The following RFX8 variants were observed in gnomAD, a reference collection of about 807,000 sequenced individuals.
The protein encoded by RFX8 is regulatory factor X8.
A neutral mutation model predicts 54.6 loss-of-function variants in RFX8; 46 were observed. That is an observed-to-expected ratio of 0.84 (90% CI 0.67 to 1.08). The LOEUF (loss-of-function observed/expected upper bound fraction) is 1.08. Among genes scored for constraint, RFX8 ranks in the 50% least tolerant of loss-of-function variants. The pLI is 0.00. For synonymous variants in RFX8, 192 were observed against 209.5 expected, an observed-to-expected ratio of 0.92 and a Z score of 0.72; for missense variants, 536 against 562.3, an observed-to-expected ratio of 0.95 and a Z score of 0.47.
intron 2 of RFX8, among the ~76,000 whole-genome samples, chr2:101,427,456 G>A (rs1687241158): frequency 6.6e-6 from 1 of 152,140 alleles, no homozygotes; most frequent in Admixed American, 6.6e-5. Flanking sequence ...GAATGGGAGG[G>A]ACCTCTAGAA....
chr2:101,419,298 G>T (rs958790), intron 4 of RFX8, among the ~76,000 whole-genome samples: 100,256 of 152,082 alleles, frequency 0.66, 35,905 homozygotes, highest in Middle Eastern at 0.81. Context: ...AGCCCAGAGA[G>T]AATAAATGTT....
chr2:101,438,142 TA>T, intron 2 of RFX8, among the ~76,000 whole-genome samples: 1 of 152,354 alleles, frequency 6.6e-6, no homozygotes, highest in African/African-American at 2.4e-5. Flanking sequence ...CACATTGGGA[TA>T]AATGGGGTAT....
chr2:101,424,579 G>A (rs1362817037), intron 2 of RFX8, among the ~76,000 whole-genome samples: 1 of 152,146 alleles, frequency 6.6e-6, no homozygotes, highest in East Asian at 1.9e-4. Context: ...TATGTTTATT[G>A]CGGCACTATT....
At chr2:101,460,914 G>T (rs1391703373) in intron 2 of RFX8, among the ~76,000 whole-genome samples, 3 of 151,506 alleles carry the variant, frequency 2.0e-5, no homozygotes, top group African/African-American at 7.3e-5. Flanking sequence ...TTAACACCTC[G>T]ATCATGCCTC....
At chr2:101,461,369 T>C (rs1162003071) in intron 2 of RFX8, among the ~76,000 whole-genome samples, 1 of 151,984 alleles carries the variant, frequency 6.6e-6, no homozygotes, top group Non-Finnish European at 1.5e-5. Context: ...GGCTAGAAAT[T>C]CCTATTGTCA....
At chr2:101,399,717 T>C (rs546573678) in intron 11 of RFX8, among the ~76,000 whole-genome samples, 139 of 152,328 alleles carry the variant, frequency 9.1e-4, no homozygotes, top group Middle Eastern at 6.8e-3. Context: ...ATAATGTTCC[T>C]GTAGAATTAG....
intron 1 of RFX8, among the ~76,000 whole-genome samples, chr2:101,470,177 T>G (rs554509444): frequency 6.6e-6 from 1 of 152,274 alleles, no homozygotes; most frequent in South Asian, 2.1e-4. Flanking sequence ...AAGTTTCCAT[T>G]CTGACTCTGA....
At chr2:101,451,314 G>A (rs1688666729) in intron 2 of RFX8, among the ~76,000 whole-genome samples, 1 of 152,096 alleles carries the variant, frequency 6.6e-6, no homozygotes, top group Non-Finnish European at 1.5e-5. Flanking sequence ...TTTAAAACAA[G>A]CAACAAATAG....
chr2:101,461,425 T>C (rs915477211), intron 2 of RFX8, among the ~76,000 whole-genome samples: 2 of 152,148 alleles, frequency 1.3e-5, no homozygotes, highest in African/African-American at 4.8e-5. Flanking sequence ...AAGAAAATCA[T>C]TGAAAAGCCT....
rs1003898083 is a variant in RFX8, at chr2:101,410,193, A to G, written c.813+426T>C. 3.3e-5 allele frequency among the ~76,000 whole-genome samples: 5 copies of G among 151,866 alleles called. No individual in the cohort carries two copies. The East Asian group carries it at 9.7e-4, about 29-fold the overall frequency. On this transcript the variant is annotated intron_variant, in intron 9 of 11. Coordinates refer to ENST00000428343, the MANE Select transcript of RFX8 (RefSeq NM_001145664.2). ...CATGCTCACACACACTGTCACACAC[A>G]TGCTCACCTGTACACACACTCATCC...
Position 101,431,946 on chromosome 2 carries a change from C to T in RFX8, c.73-9474G>A, listed in dbSNP as rs901205194. Reference sequence around the variant, plus strand: ...GGCCTGTGTATAGCAGGAATCCTCACTGGGAGAGCTATGTTACCTTTTAGC... The same window carrying T: ...GGCCTGTGTATAGCAGGAATCCTCATTGGGAGAGCTATGTTACCTTTTAGC... On this transcript the variant is annotated intron_variant, in intron 2 of 11. Coordinates refer to ENST00000428343, the MANE Select transcript of RFX8 (RefSeq NM_001145664.2). Among the ~76,000 whole-genome samples, 6 of 152,272 alleles carry T rather than the reference C, an allele frequency of 3.9e-5. No homozygotes were observed. The South Asian group carries it at 1.2e-3, about 32-fold the overall frequency.
At chr2:101,467,037 C>A (rs965629031) in intron 1 of RFX8, 137 bp from the exon 2 acceptor site, 3 of 621,458 alleles carry the variant, frequency 4.8e-6, no homozygotes, top group Admixed American at 2.7e-5. Context: ...TGAATCCCTG[C>A]GAAGGCTCAC....
chr2:101,430,940 C>A (rs1687447596), intron 2 of RFX8, among the ~76,000 whole-genome samples: 1 of 152,192 alleles, frequency 6.6e-6, no homozygotes, highest in Non-Finnish European at 1.5e-5. Context: ...GGTCATCACT[C>A]TTTAGAGATG....
At chr2:101,466,574 C>G (rs1276118219) in intron 2 of RFX8, among the ~76,000 whole-genome samples, 1 of 152,180 alleles carries the variant, frequency 6.6e-6, no homozygotes, top group East Asian at 1.9e-4. Flanking sequence ...CCTGGCCCCT[C>G]ACTATGAAGT....
chr2:101,434,333 T>C (rs1288910765), intron 2 of RFX8, among the ~76,000 whole-genome samples: 3 of 152,244 alleles, frequency 2.0e-5, no homozygotes, highest in Admixed American at 6.5e-5. Flanking sequence ...CTGTGTGTTG[T>C]GGTTTAGCTG....
chr2:101,426,540 A>G (rs1006277134), intron 2 of RFX8, among the ~76,000 whole-genome samples: 5 of 152,154 alleles, frequency 3.3e-5, no homozygotes, highest in Non-Finnish European at 4.4e-5. Context: ...ATAAATAAAT[A>G]AATACTGCAT....
chr2:101,417,878 AT>A (rs1348749455), intron 5 of RFX8, among the ~76,000 whole-genome samples, 194 bp from the exon 6 acceptor site: 3 of 151,890 alleles, frequency 2.0e-5, no homozygotes, highest in African/African-American at 7.3e-5. Context: ...CACAGTTGGA[AT>A]TTTTTTCCAA....
intron 10 of RFX8, among the ~76,000 whole-genome samples, chr2:101,405,566 A>G (rs760325523): frequency 1.3e-5 from 2 of 152,176 alleles, no homozygotes; most frequent in Non-Finnish European, 2.9e-5. Context: ...CATCGCATAC[A>G]ATGGCAACTT....
At chr2:101,408,767 T>C (rs1221140460) in intron 9 of RFX8, among the ~76,000 whole-genome samples, 1 of 152,230 alleles carries the variant, frequency 6.6e-6, no homozygotes. Flanking sequence ...GCTTTCCAGC[T>C]CCTTCCTGAG....
Sources: allele counts gnomAD v4.1 joint callset (sites outside exome capture counted in the v4.1 genomes callset), GRCh38; gene constraint gnomAD v4.1.1; transcripts MANE v1.5; gene names NCBI Gene and HGNC (gene_info 2026-07-23, HGNC 2026-07-21).